The following CTNNA3 variants were observed in gnomAD, a reference collection of about 807,000 sequenced individuals.
The protein encoded by CTNNA3 is catenin alpha-3.
In CTNNA3, 76 loss-of-function variants were observed where a neutral mutation model predicts 95.7. The observed-to-expected ratio is 0.79, with a 90% confidence interval of 0.66 to 0.96. CTNNA3 has a LOEUF of 0.96. Ranked by LOEUF, CTNNA3 falls within the 40% of genes least tolerant of loss-of-function variation. The pLI, the probability that CTNNA3 is intolerant of heterozygous loss-of-function variation, is 0.00. For missense variants in CTNNA3, 1,191 were observed against 1,089.8 expected (o/e 1.09, Z -1.31); for synonymous variants, 431 against 374.4 (o/e 1.15, Z -1.74).
Position 67,108,445 on chromosome 10 carries a change from AT to A in CTNNA3, c.1047+71871del, listed in dbSNP as rs556814222. On this transcript the variant is annotated intron_variant, in intron 7 of 17. Transcript: ENST00000433211. The stretch of plus-strand genomic sequence containing the variant: ...TATATATTTTATACTATATAATGAT[AT>A]TTTGATATTTTTAATTCAAATCAAT... 3.5e-3 allele frequency among the ~76,000 whole-genome samples: 539 copies of A among 152,206 alleles called. 4 individuals carry two copies. The highest frequency in any genetic ancestry group is 4.4e-3 in the Non-Finnish European group (301 of 67,994).
At chr10:67,169,340 CA>C (rs554123021) in intron 7 of CTNNA3, among the ~76,000 whole-genome samples, 5 of 146,484 alleles carry the variant, frequency 3.4e-5, no homozygotes, top group East Asian at 4.0e-4. Context: ...CAATCCTAAG[CA>C]AAAAAAAACA....
chr10:66,453,172 G>A (rs1911317), intron 11 of CTNNA3, among the ~76,000 whole-genome samples: 3,488 of 151,610 alleles, frequency 0.023, 56 homozygotes, highest in South Asian at 0.046. Flanking sequence ...AGCCGAGATC[G>A]TGCCACTGTA....
chr10:67,170,000 C>T (rs936894101), intron 7 of CTNNA3, among the ~76,000 whole-genome samples: 1 of 152,090 alleles, frequency 6.6e-6, no homozygotes, highest in Non-Finnish European at 1.5e-5. Flanking sequence ...ATAGATGTGG[C>T]CAACTAGCAC....
At chr10:67,043,131 C>CTTTTT in intron 7 of CTNNA3, among the ~76,000 whole-genome samples, 1 of 60,208 alleles carries the variant, frequency 1.7e-5, no homozygotes, top group Non-Finnish European at 4.1e-5. Flanking sequence ...GGCTCACTTT[C>CTTTTT]TTTCTTTTTT....
chr10:66,394,981 T>C (rs1307271234), intron 11 of CTNNA3, among the ~76,000 whole-genome samples: 2 of 152,068 alleles, frequency 1.3e-5, no homozygotes, highest in Admixed American at 6.6e-5. Flanking sequence ...AATGAGTTGC[T>C]GATAACCTGG....
chr10:66,190,573 T>C (rs1251237910), intron 13 of CTNNA3, among the ~76,000 whole-genome samples: 11 of 152,158 alleles, frequency 7.2e-5, no homozygotes. Context: ...ACATGGTTCA[T>C]AAGAAATCTT....
intron 15 of CTNNA3, among the ~76,000 whole-genome samples, chr10:66,042,343 T>C (rs2199853): frequency 0.25 from 38,514 of 152,090 alleles, 4,994 homozygotes; most frequent in South Asian, 0.32. Flanking sequence ...GCAAGGTCTA[T>C]GTCATAGTAT....
chr10:65,946,201 C>T (rs181610984), intron 17 of CTNNA3, among the ~76,000 whole-genome samples: 2 of 152,180 alleles, frequency 1.3e-5, no homozygotes, highest in African/African-American at 2.4e-5. Flanking sequence ...AATGTCAATG[C>T]ATTTTAAATA....
intron 1 of CTNNA3, among the ~76,000 whole-genome samples, chr10:67,669,676 A>G (rs1840395608): frequency 6.6e-6 from 1 of 152,214 alleles, no homozygotes. Flanking sequence ...CAAATAATTC[A>G]TTTATCAATT....
intron 7 of CTNNA3, among the ~76,000 whole-genome samples, chr10:66,857,727 T>C (rs1472436609): frequency 6.6e-6 from 1 of 151,948 alleles, no homozygotes; most frequent in African/African-American, 2.4e-5. Flanking sequence ...TGGCGTATAG[T>C]AATGTTAGTG....
intron 7 of CTNNA3, among the ~76,000 whole-genome samples, chr10:66,891,784 C>T (rs1408613758): frequency 6.6e-6 from 1 of 152,102 alleles, no homozygotes; most frequent in Non-Finnish European, 1.5e-5. Flanking sequence ...AAAGCTTAGC[C>T]TAAGTCACCA....
intron 11 of CTNNA3, among the ~76,000 whole-genome samples, chr10:66,442,611 A>T (rs572925056): frequency 3.3e-5 from 5 of 152,206 alleles, no homozygotes; most frequent in Non-Finnish European, 7.3e-5. Flanking sequence ...TAGAAAAAAA[A>T]TAGCTTTATT....
chr10:66,073,648 A>T (rs563963031), intron 14 of CTNNA3, among the ~76,000 whole-genome samples: 77 of 151,806 alleles, frequency 5.1e-4, no homozygotes, highest in Admixed American at 3.8e-3. Flanking sequence ...TATCACATCC[A>T]TTTCCCTCTA....
intron 12 of CTNNA3, among the ~76,000 whole-genome samples, chr10:66,378,124 C>G (rs1033818199): frequency 2.0e-5 from 3 of 152,234 alleles, no homozygotes; most frequent in Non-Finnish European, 4.4e-5. Context: ...CACTTCAGAC[C>G]TAGTCTCTAG....
At chr10:66,358,706 G>T (rs950086809) in intron 12 of CTNNA3, among the ~76,000 whole-genome samples, 1 of 152,134 alleles carries the variant, frequency 6.6e-6, no homozygotes, top group African/African-American at 2.4e-5. Context: ...GCAATCAAAA[G>T]AAGATTAAAT....
chr10:65,928,779 T>C (rs576287015), intron 17 of CTNNA3, among the ~76,000 whole-genome samples: 4 of 152,340 alleles, frequency 2.6e-5, no homozygotes, highest in African/African-American at 9.6e-5. Flanking sequence ...ATAATGTTTC[T>C]CATTATTTAT....
At chr10:65,953,134 C>T (rs2077653189) in intron 17 of CTNNA3, among the ~76,000 whole-genome samples, 1 of 152,160 alleles carries the variant, frequency 6.6e-6, no homozygotes, top group African/African-American at 2.4e-5. Flanking sequence ...TAGCAAGTCT[C>T]CTTTTACAAA....
At chr10:67,483,902 CA>C in intron 5 of CTNNA3, among the ~76,000 whole-genome samples, 1 of 151,774 alleles carries the variant, frequency 6.6e-6, no homozygotes, top group East Asian at 1.9e-4. Flanking sequence ...CCATACTGCC[CA>C]AAGCAATCTA....
At chr10:66,832,847 T>C (rs2132325384) in intron 7 of CTNNA3, among the ~76,000 whole-genome samples, 1 of 152,228 alleles carries the variant, frequency 6.6e-6, no homozygotes, top group South Asian at 2.1e-4. Context: ...ACTCAGTAGC[T>C]AGATTTCTGA....
Sources: allele counts gnomAD v4.1 joint callset (sites outside exome capture counted in the v4.1 genomes callset), GRCh38; gene constraint gnomAD v4.1.1; transcripts MANE v1.5; gene names NCBI Gene and HGNC (gene_info 2026-07-23, HGNC 2026-07-21).